GABRA4: variants seen among roughly 807,000 people sequenced by gnomAD.
GABRA4 encodes the protein gamma-aminobutyric acid receptor subunit alpha-4.
In GABRA4, 12 loss-of-function variants were observed where a neutral mutation model predicts 49.7. The observed-to-expected ratio is 0.24, with a 90% CI of 0.15 to 0.39. The LOEUF is 0.39. Ranked by LOEUF, GABRA4 falls within the 10% of genes least tolerant of loss-of-function variation. GABRA4 has a pLI of 1.00. For synonymous variants in GABRA4, 288 were observed against 240.2 expected (o/e 1.20, Z -1.84); for missense variants, 506 against 686.0 (o/e 0.74, Z 2.93).
rs1186620807 is a variant in GABRA4, at chr4:46,920,507, T to C, written c.*7718A>G. 3 of 151,842 alleles carry C rather than the reference T, an allele frequency of 2.0e-5. No individual in the cohort carries two copies. The East Asian group carries it at 5.8e-4, about 29-fold the overall frequency. The allele number at this position is 151,842 out of a possible 1,614,324, so 9.4% of individuals were successfully genotyped here. A position where few individuals can be genotyped will look rare whatever the true frequency, so the allele number is the denominator to read the frequency against. Reference sequence around the variant, plus strand: ...TAAAGAGATGATGTATATGTATTAATATATGAAAAAATCCTAATTGCACTT... The same window carrying C: ...TAAAGAGATGATGTATATGTATTAACATATGAAAAAATCCTAATTGCACTT... On this transcript the variant is annotated 3_prime_UTR_variant, in exon 9 of 9. Transcript: ENST00000264318.
intron 8 of GABRA4, among the ~76,000 whole-genome samples, chr4:46,944,092 T>G (rs1040538604): frequency 1.3e-5 from 2 of 152,110 alleles, no homozygotes; most frequent in Non-Finnish European, 2.9e-5. Flanking sequence ...CATACTGTAT[T>G]GTATACTATA....
intron 8 of GABRA4, among the ~76,000 whole-genome samples, chr4:46,943,767 T>C (rs1295573108): frequency 2.0e-5 from 3 of 152,178 alleles, no homozygotes; most frequent in African/African-American, 4.8e-5. Context: ...CTGAGGGACA[T>C]ACTGCCTACA....
intron 2 of GABRA4, among the ~76,000 whole-genome samples, chr4:46,982,847 T>C (rs1011540291): frequency 2.0e-5 from 3 of 151,920 alleles, no homozygotes; most frequent in Admixed American, 2.0e-4. Context: ...AAGTCGAGAG[T>C]TGGTGATAAC....
intron 8 of GABRA4, among the ~76,000 whole-genome samples, chr4:46,949,269 T>A (rs1577759907): frequency 6.6e-6 from 1 of 152,136 alleles, no homozygotes; most frequent in East Asian, 1.9e-4. Flanking sequence ...CTACTAACCT[T>A]TAAGCCCATT....
Position 46,928,107 on chromosome 4 carries a change from A to T in GABRA4, c.*118T>A, listed in dbSNP as rs1435103429. 2 of 906,980 alleles carry T rather than the reference A, an allele frequency of 2.2e-6. No individual in the cohort carries two copies. The highest frequency in any genetic ancestry group is 5.5e-5 in the East Asian group (2 of 36,682). 56.2% of individuals were successfully genotyped at this position (906,980 alleles called of 1,614,324 possible). A position where few individuals can be genotyped will look rare whatever the true frequency, so the allele number is the denominator to read the frequency against. ...TCCCAATAACTGGCTTATATCTTTA[A>T]ATGGAAAAATTACACAGAGTTTTTA... On this transcript the variant is annotated 3_prime_UTR_variant, in exon 9 of 9. Coordinates refer to ENST00000264318, the MANE Select transcript of GABRA4 (RefSeq NM_000809.4).
chr4:46,944,044 C>T (rs1721902755), intron 8 of GABRA4, among the ~76,000 whole-genome samples: 1 of 151,884 alleles, frequency 6.6e-6, no homozygotes, highest in African/African-American at 2.4e-5. Context: ...TGAGTAAATT[C>T]TAGAGATCAA....
At chr4:46,985,503 G>C (rs1349463983) in intron 2 of GABRA4, among the ~76,000 whole-genome samples, 1 of 151,992 alleles carries the variant, frequency 6.6e-6, no homozygotes, top group Non-Finnish European at 1.5e-5. Flanking sequence ...ATTAATTCAG[G>C]TTTCAATTCT....
intron 2 of GABRA4, among the ~76,000 whole-genome samples, chr4:46,979,617 C>CAAA (rs1233856997): frequency 1.3e-5 from 2 of 152,034 alleles, no homozygotes; most frequent in Non-Finnish European, 2.9e-5. Flanking sequence ...TGATTGGGAT[C>CAAA]AAAGACAAAC....
intron 8 of GABRA4, among the ~76,000 whole-genome samples, chr4:46,949,090 C>A (rs1310661649): frequency 6.6e-6 from 1 of 151,980 alleles, no homozygotes; most frequent in Non-Finnish European, 1.5e-5. Context: ...TCCTTCTTAC[C>A]CCTCAATTTT....
rs1159593078 is a variant in GABRA4, at chr4:46,974,793, AT to A, written c.578-419del. ...AATACCATCCTAACACAGTTCTGCT[AT>A]TTAGAAATGCTGCCTGTAATAATAC... On this transcript the variant is annotated intron_variant, in intron 5 of 8. Transcript: ENST00000264318. Among the ~76,000 whole-genome samples the A allele has an allele frequency of 2.6e-5, 4 of 152,036 alleles. No homozygotes were observed. The East Asian group carries it at 7.8e-4, about 30-fold the overall frequency.
chr4:46,935,086 G>A (rs973768459), intron 8 of GABRA4, among the ~76,000 whole-genome samples: 2 of 152,146 alleles, frequency 1.3e-5, no homozygotes, highest in Non-Finnish European at 2.9e-5. Context: ...TCTGAGACTG[G>A]TTAAAAACTC....
chr4:46,960,694 A>G (rs1722544892), intron 8 of GABRA4, among the ~76,000 whole-genome samples: 1 of 151,680 alleles, frequency 6.6e-6, no homozygotes. Flanking sequence ...AATATTACAT[A>G]TCTAAAGGTA....
At chr4:46,962,688 C>A (rs765198369) in intron 8 of GABRA4, among the ~76,000 whole-genome samples, 40 of 151,864 alleles carry the variant, frequency 2.6e-4, no homozygotes, top group Non-Finnish European at 4.1e-4. Flanking sequence ...GGAGGAATCA[C>A]ATTACCTCAT....
intron 2 of GABRA4, among the ~76,000 whole-genome samples, chr4:46,981,748 T>C (rs60662599): frequency 0.045 from 6,780 of 151,996 alleles, 544 homozygotes; most frequent in African/African-American, 0.16. Context: ...AGAGGAAAAA[T>C]ACAGGATGGT....
chr4:46,932,997 G>A (rs977114924), intron 8 of GABRA4, among the ~76,000 whole-genome samples: 1 of 152,098 alleles, frequency 6.6e-6, no homozygotes, highest in Non-Finnish European at 1.5e-5. Flanking sequence ...TGAAGAATAT[G>A]CCTAGAGAAA....
chr4:46,968,346 G>A (rs73145013), intron 7 of GABRA4, among the ~76,000 whole-genome samples: 1 of 151,134 alleles, frequency 6.6e-6, no homozygotes, highest in African/African-American at 2.4e-5. Flanking sequence ...CTTGGCACAT[G>A]GGCACAAAAG....
chr4:46,952,878 A>C (rs1422119814), intron 8 of GABRA4, among the ~76,000 whole-genome samples: 1 of 152,094 alleles, frequency 6.6e-6, no homozygotes, highest in Non-Finnish European at 1.5e-5. Flanking sequence ...CCAGAAAAAA[A>C]CCTTTTAATA....
intron 3 of GABRA4, among the ~76,000 whole-genome samples, chr4:46,978,658 G>A (rs192094206): frequency 7.0e-4 from 79 of 113,104 alleles, no homozygotes; most frequent in African/African-American, 2.6e-3. Context: ...TTGTACTCCA[G>A]CCTGGGCAAC....
intron 5 of GABRA4, among the ~76,000 whole-genome samples, chr4:46,976,354 CAAA>C (rs71193888): frequency 0.023 from 1,178 of 51,704 alleles, 16 homozygotes; most frequent in African/African-American, 0.077. Flanking sequence ...CACCCATTCT[CAAA>C]AAAAAAAAAA....
Sources: gnomAD v4.1 joint callset for allele counts (sites outside exome capture counted in the v4.1 genomes callset) on GRCh38, gnomAD v4.1.1 for gene constraint, MANE v1.5 for transcripts, NCBI Gene and HGNC (gene_info 2026-07-23, HGNC 2026-07-21) for gene names.